TMEM151A: variants seen among roughly 807,000 people sequenced by gnomAD.
TMEM151A encodes transmembrane protein 151A, also known as transmembrane protein 151.
Under a neutral mutation model 33.7 loss-of-function variants are expected in TMEM151A, and 21 were observed. The observed-to-expected ratio is 0.62, with a 90% CI of 0.44 to 0.90. TMEM151A has a LOEUF of 0.90. TMEM151A is among the 40% of genes least tolerant of loss of function. TMEM151A has a pLI of 0.00. For synonymous variants in TMEM151A, 374 were observed against 330.3 expected, an observed-to-expected ratio of 1.13 and a Z score of -1.43; for missense variants, 704 against 697.7, an observed-to-expected ratio of 1.01 and a Z score of -0.10.
At position 66,295,643 on chromosome 11, in the gene TMEM151A, G is replaced by A. The variant is rs1590902100; in HGVS notation, c.1397G>A (p.Gly466Asp). ...AGCGGCTGCCAGGGGGATGGGCAGGGTGCTCTCTGAGACCCCCCACGGCCC... is the reference window on the plus strand; with the variant it reads ...AGCGGCTGCCAGGGGGATGGGCAGGATGCTCTCTGAGACCCCCCACGGCCC... The part of the protein sequence containing the change: ...GDSGCQGDGQ[G>D]AL The change falls in exon 2 of 2, where the codon GGT becomes GAT. Residue 466 changes from glycine (G) to aspartate (D), a missense_variant. Coordinates refer to ENST00000327259, the MANE Select transcript of TMEM151A (RefSeq NM_153266.4). 6.6e-7 allele frequency: 1 copy of A among 1,526,304 alleles called. No homozygotes were observed. The highest frequency in any genetic ancestry group is 1.2e-5 in the South Asian group (1 of 81,344). The allele number at this position is 1,526,304 out of a possible 1,614,324, so 94.5% of individuals were successfully genotyped here.
chr11:66,293,118 C>T (rs767095927), intron 1 of TMEM151A, among the ~76,000 whole-genome samples: 9 of 151,930 alleles, frequency 5.9e-5, no homozygotes, highest in African/African-American at 9.7e-5. Context: ...TGGCCCTCCA[C>T]GGTGGGTGGG....
In TMEM151A at chr11:66,294,557, C is replaced by G; in HGVS notation, c.311C>G (p.Ala104Gly). ...CSDGYLYIPLAFVSLLYLLYL... is the reference protein window; with the variant it reads ...CSDGYLYIPLGFVSLLYLLYL... ...GATGGCTACCTGTACATCCCGCTGGCCTTCGTCTCCCTCCTCTACCTCCTC... is the reference window on the plus strand; with the variant it reads ...GATGGCTACCTGTACATCCCGCTGGGCTTCGTCTCCCTCCTCTACCTCCTC... The change falls in exon 2 of 2, where the codon GCC (alanine) becomes GGC (glycine). Residue 104 changes from alanine (A) to glycine (G), a missense_variant. Physicochemically the swap from Ala to Gly is moderately conservative, Grantham distance 60. Around this residue, in one of 3 missense-constraint regions of TMEM151A, gnomAD observed 301 missense variants for 323.4 expected, o/e 0.93. Transcript: ENST00000327259. The G allele has an allele frequency of 6.2e-7, 1 of 1,612,950 alleles. No individual in the cohort carries two copies. The highest frequency in any genetic ancestry group is 8.5e-7 in the Non-Finnish European group (1 of 1,179,496).
chr11:66,292,318 A>G lies in TMEM151A; in HGVS notation c.75+230A>G, dbSNP rs1857464144. ...CGACTTCCGCCCCCGGCGTCCCCTC[A>G]TCCAGCCTCGCCCGTCCTGTGACGT... On this transcript the variant is annotated intron_variant, in intron 1 of 1. Transcript: ENST00000327259. The surrounding 1 kb of genome is among the most constrained non-coding windows in gnomAD (Gnocchi z 4.7). Among the ~76,000 whole-genome samples the G allele has an allele frequency of 2.0e-5, 3 of 152,220 alleles. No individual in the cohort carries two copies. The South Asian group carries it at 6.2e-4, about 32-fold the overall frequency.
rs768878381 is a variant in TMEM151A at position 66,294,962 on chromosome 11, G to A, written c.716G>A (p.Arg239Gln). The A allele has an allele frequency of 3.1e-5, 48 of 1,568,692 alleles. No homozygotes were observed. Among genetic ancestry groups the A allele is most frequent in the Non-Finnish European group, 3.9e-5 (45 of 1,164,518 alleles). The part of the protein sequence containing the change: ...AEAEASYLTQ[R>Q]ARFFSANEGL... ...GCCGAGGCCTCGTACCTCACGCAGCGGGCGCGCTTCTTCAGCGCCAACGAG... is the reference window on the plus strand; with the variant it reads ...GCCGAGGCCTCGTACCTCACGCAGCAGGCGCGCTTCTTCAGCGCCAACGAG... The change falls in exon 2 of 2, where the codon CGG (arginine) becomes CAG (glutamine). Residue 239 changes from arginine to glutamine, a missense_variant. Around this residue, in one of 3 missense-constraint regions of TMEM151A, gnomAD observed 398 missense variants for 356.0 expected, o/e 1.12. Transcript: ENST00000327259.
chr11:66,293,090 C>G (rs1252860690), intron 1 of TMEM151A, among the ~76,000 whole-genome samples: 3 of 152,026 alleles, frequency 2.0e-5, no homozygotes, highest in African/African-American at 7.3e-5. Context: ...TCTGGAGTTT[C>G]CTGGGTGACA....
Position 66,294,580 on chromosome 11 carries a change from C to A in TMEM151A, c.334C>A (p.Leu112Ile), listed in dbSNP as rs753015947. 6.2e-7 allele frequency: 1 copy of A among 1,612,912 alleles called. No individual in the cohort carries two copies. Among genetic ancestry groups the A allele is most frequent in the Non-Finnish European group, 8.5e-7 (1 of 1,179,540 alleles). Residue 112 changes from leucine (L) to isoleucine (I), a missense_variant, in exon 2 of 2, where the codon CTC becomes ATC. By Grantham distance (5) the Leu-to-Ile change is conservative. This residue lies in a region of TMEM151A where 301 missense variants were observed against 323.4 expected (regional missense o/e 0.93). Transcript: ENST00000327259. ...GGCCTTCGTCTCCCTCCTCTACCTCCTCTACCTGGCTGAGTGCTGGCACTG... is the reference window on the plus strand; with the variant it reads ...GGCCTTCGTCTCCCTCCTCTACCTCATCTACCTGGCTGAGTGCTGGCACTG... ...PLAFVSLLYL[L>I]YLAECWHCHV...
chr11:66,294,857 C>T lies in TMEM151A; in HGVS notation c.611C>T (p.Ser204Phe), dbSNP rs1285637387. ...TCGGCGCACGGCGTCCGCGACGTCT[C>T]CAAGGAGCTGGTGGGGCTGGCGGAG... ...DYSAHGVRDVSKELVGLAEHA... is the reference protein window; with the variant it reads ...DYSAHGVRDVFKELVGLAEHA... The change falls in exon 2 of 2, where the codon TCC becomes TTC. Residue 204 changes from serine to phenylalanine, a missense_variant. Coordinates refer to ENST00000327259, the MANE Select transcript of TMEM151A (RefSeq NM_153266.4). The T allele has an allele frequency of 6.5e-7, 1 of 1,537,866 alleles. No individual in the cohort carries two copies. The highest frequency in any genetic ancestry group is 8.7e-7 in the Non-Finnish European group (1 of 1,145,666).
rs1406445633 is a variant in TMEM151A, at chr11:66,292,305, C to T, written c.75+217C>T. 6.6e-6 allele frequency among the ~76,000 whole-genome samples: 1 copy of T among 152,136 alleles called. No homozygotes were observed. The highest frequency in any genetic ancestry group is 1.5e-5 in the Non-Finnish European group (1 of 67,984). On this transcript the variant is annotated intron_variant, in intron 1 of 1. Coordinates refer to ENST00000327259, the MANE Select transcript of TMEM151A (RefSeq NM_153266.4). This position sits in a 1 kb window ranked among gnomAD's most constrained non-coding sequence, Gnocchi z 4.7. ...GCAATATGCGGGGCGACTTCCGCCC[C>T]CGGCGTCCCCTCATCCAGCCTCGCC...
Position 66,295,691 on chromosome 11 carries a change from A to T in TMEM151A, c.*38A>T, listed in dbSNP as rs1265905097. The T allele has an allele frequency of 7.0e-7, 1 of 1,420,214 alleles. No homozygotes were observed. The highest frequency in any genetic ancestry group is 1.5e-5 in the African/African-American group (1 of 66,326). 88.0% of individuals were successfully genotyped at this position (1,420,214 alleles called of 1,614,324 possible). On this transcript the variant is annotated 3_prime_UTR_variant, in exon 2 of 2. Coordinates refer to ENST00000327259, the MANE Select transcript of TMEM151A (RefSeq NM_153266.4). ...CCCCCAGAGTGGCCCCCTCCCCACC[A>T]TTCCACCATGGGCTTAGATGCCCGA...
At chr11:66,293,321 A>C (rs1226133625) in intron 1 of TMEM151A, among the ~76,000 whole-genome samples, 1 of 151,846 alleles carries the variant, frequency 6.6e-6, no homozygotes, top group African/African-American at 2.4e-5. Flanking sequence ...GTGGCCCCTT[A>C]ACCCCCCTTT....
At position 66,295,424 on chromosome 11, in the gene TMEM151A, G is replaced by C; in HGVS notation, c.1178G>C (p.Arg393Pro). The change falls in exon 2 of 2, where the codon CGG becomes CCG. Residue 393 changes from arginine to proline, a missense_variant. This residue lies in a region of TMEM151A where 398 missense variants were observed against 356.0 expected (regional missense o/e 1.12). Transcript: ENST00000327259. ...SVSSNSLPPA[R>P]PSGPRLPFSR... The stretch of plus-strand genomic sequence containing the variant: ...AGCAGCAACTCGCTGCCCCCCGCCC[G>C]GCCCAGCGGGCCCCGCCTGCCCTTC... 6.7e-7 allele frequency: 1 copy of C among 1,483,824 alleles called. No homozygotes were observed. 91.9% of individuals were successfully genotyped at this position (1,483,824 alleles called of 1,614,324 possible).
In TMEM151A at chr11:66,292,201, A is replaced by G; in HGVS notation, c.75+113A>G. The G allele has an allele frequency of 1.1e-6, 1 of 949,054 alleles. No individual in the cohort carries two copies. Among genetic ancestry groups the G allele is most frequent in the Non-Finnish European group, 1.4e-6 (1 of 695,634 alleles). The allele number at this position is 949,054 out of a possible 1,614,324, so 58.8% of individuals were successfully genotyped here. A position where few individuals can be genotyped will look rare whatever the true frequency, so the allele number is the denominator to read the frequency against. On this transcript the variant is annotated intron_variant, in intron 1 of 1. Transcript: ENST00000327259. This position sits in a 1 kb window ranked among gnomAD's most constrained non-coding sequence, Gnocchi z 4.7. ...GGGAAGTCCCAGAGCCCCTACGGCCAATGACGTCATTGGGGTCACCTGCGC... is the reference window on the plus strand; with the variant it reads ...GGGAAGTCCCAGAGCCCCTACGGCCGATGACGTCATTGGGGTCACCTGCGC...
intron 1 of TMEM151A, 39 bp from the exon 2 acceptor site, chr11:66,294,283 C>G: frequency 6.3e-7 from 1 of 1,594,934 alleles, no homozygotes; most frequent in Non-Finnish European, 8.5e-7. Context: ...ACTGATGGCC[C>G]CACCTGACAC....
At position 66,295,760 on chromosome 11, in the gene TMEM151A, A is replaced by G. The variant is rs369656877; in HGVS notation, c.*107A>G. ...AGGCGGGAAAACAGACCAGCCACAC[A>G]CAAGGGGCAGGGGTGAGGGTGGGGG... On this transcript the variant is annotated 3_prime_UTR_variant, in exon 2 of 2. Transcript: ENST00000327259. 126 of 1,044,892 alleles carry G rather than the reference A, an allele frequency of 1.2e-4. 1 individual carries two copies. The East Asian group carries it at 3.9e-3, about 32-fold the overall frequency. The allele number at this position is 1,044,892 out of a possible 1,614,324, so 64.7% of individuals were successfully genotyped here.
At position 66,292,188 on chromosome 11, in the gene TMEM151A, A is replaced by G; in HGVS notation, c.75+100A>G. ...GAGGGGCTGAGGAGGGAAGTCCCAG[A>G]GCCCCTACGGCCAATGACGTCATTG... On this transcript the variant is annotated intron_variant, in intron 1 of 1. Coordinates refer to ENST00000327259, the MANE Select transcript of TMEM151A (RefSeq NM_153266.4). The surrounding 1 kb of genome is among the most constrained non-coding windows in gnomAD (Gnocchi z 4.7). 1 of 1,062,746 alleles carries G rather than the reference A, an allele frequency of 9.4e-7. No homozygotes were observed. The highest frequency in any genetic ancestry group is 1.3e-6 in the Non-Finnish European group (1 of 797,384). 65.8% of individuals were successfully genotyped at this position (1,062,746 alleles called of 1,614,324 possible). A position where few individuals can be genotyped will look rare whatever the true frequency, so the allele number is the denominator to read the frequency against.
Position 66,295,434 on chromosome 11 carries a change from G to C in TMEM151A, c.1188G>C (p.Gly396=). The C allele has an allele frequency of 2.1e-6, 3 of 1,455,632 alleles. No homozygotes were observed. The highest frequency in any genetic ancestry group is 1.4e-5 in the South Asian group (1 of 72,040). The allele number at this position is 1,455,632 out of a possible 1,614,324, so 90.2% of individuals were successfully genotyped here. ...CGCTGCCCCCCGCCCGGCCCAGCGG[G>C]CCCCGCCTGCCCTTCAGCCGCAGCC... ...SNSLPPARPS[G]PRLPFSRSRL... The change falls in exon 2 of 2, where the codon GGG becomes GGC. Residue 396 remains glycine (G), a synonymous_variant. Coordinates refer to ENST00000327259, the MANE Select transcript of TMEM151A (RefSeq NM_153266.4).
Position 66,292,097 on chromosome 11 carries a change from G to A in TMEM151A, c.75+9G>A. 6.9e-7 allele frequency: 1 copy of A among 1,452,300 alleles called. No homozygotes were observed. The allele number at this position is 1,452,300 out of a possible 1,614,324, so 90.0% of individuals were successfully genotyped here. On this transcript the variant is annotated intron_variant, in intron 1 of 1. Transcript: ENST00000327259. This position sits in a 1 kb window ranked among gnomAD's most constrained non-coding sequence, Gnocchi z 4.7. ...AGCCGCTGCGGGAAGAGGTACCGGC[G>A]CTGGGGGGGCCGGAGCCGGGCCTGG...
rs1857468696 is a variant in TMEM151A, at chr11:66,292,676, G to C, written c.75+588G>C. 6.6e-6 allele frequency among the ~76,000 whole-genome samples: 1 copy of C among 152,170 alleles called. No individual in the cohort carries two copies. Among genetic ancestry groups the C allele is most frequent in the South Asian group, 2.1e-4 (1 of 4,830 alleles). ...TGTGGGGTGATAGGGTGGTGAGTGG[G>C]GCTGTGCATGCATTTGGGTGAATGT... On this transcript the variant is annotated intron_variant, in intron 1 of 1. Coordinates refer to ENST00000327259, the MANE Select transcript of TMEM151A (RefSeq NM_153266.4). This position sits in a 1 kb window ranked among gnomAD's most constrained non-coding sequence, Gnocchi z 4.7.
In TMEM151A at chr11:66,294,337, C is replaced by G; in HGVS notation, c.91C>G (p.Gln31Glu). The G allele has an allele frequency of 6.2e-7, 1 of 1,609,006 alleles. No homozygotes were observed. The highest frequency in any genetic ancestry group is 8.5e-7 in the Non-Finnish European group (1 of 1,179,798). The change falls in exon 2 of 2, where the codon CAG (glutamine) becomes GAG (glutamate). Residue 31 changes from glutamine to glutamate, a missense_variant. Around this residue, in one of 3 missense-constraint regions of TMEM151A, gnomAD observed 301 missense variants for 323.4 expected, o/e 0.93. Coordinates refer to ENST00000327259, the MANE Select transcript of TMEM151A (RefSeq NM_153266.4). ...PLREEQRPLK[Q>E]SLGSSLCRES... ...CCACCTGCAGCAGCGGCCCCTGAAA[C>G]AGTCCCTGGGAAGCTCCCTGTGCCG...
Sources: allele counts gnomAD v4.1 joint callset (sites outside exome capture counted in the v4.1 genomes callset), GRCh38; gene constraint gnomAD v4.1.1; regional missense constraint gnomAD v4.1.1; non-coding constraint Gnocchi (gnomAD v3.1); transcripts MANE v1.5; gene names NCBI Gene and HGNC (gene_info 2026-07-23, HGNC 2026-07-21).